CNTNAP4: variants seen among roughly 807,000 people sequenced by gnomAD.
The protein encoded by CNTNAP4 is contactin associated protein family member 4.
CNTNAP4 carries 98 observed loss-of-function variants against 148.4 expected under a neutral mutation model. The observed-to-expected ratio is 0.66, with a 90% CI of 0.56 to 0.78. The LOEUF (loss-of-function observed/expected upper bound fraction) is 0.78. Among genes scored for constraint, CNTNAP4 ranks in the 30% least tolerant of loss-of-function variants. CNTNAP4 has a pLI of 0.00. For missense variants in CNTNAP4, 1,935 were observed against 1,565.6 expected, an observed-to-expected ratio of 1.24 and a Z score of -3.98; for synonymous variants, 730 against 565.1, an observed-to-expected ratio of 1.29 and a Z score of -4.14.
intron 15 of CNTNAP4, among the ~76,000 whole-genome samples, chr16:76,509,697 A>G (rs1173460767): frequency 1.0e-5 from 1 of 96,114 alleles, no homozygotes; most frequent in African/African-American, 2.6e-5. Context: ...CCCCTTCTTT[A>G]TCTCCCCCTT....
chr16:76,476,794 A>C (rs767094103), intron 11 of CNTNAP4, among the ~76,000 whole-genome samples: 8 of 152,074 alleles, frequency 5.3e-5, no homozygotes, highest in Non-Finnish European at 1.2e-4. Flanking sequence ...CCACCTCCCA[A>C]TACCACCATA....
chr16:76,415,713 C>G (rs2078948783), intron 3 of CNTNAP4, among the ~76,000 whole-genome samples: 1 of 151,042 alleles, frequency 6.6e-6, no homozygotes, highest in Non-Finnish European at 1.5e-5. Flanking sequence ...GTAGACAATG[C>G]TCATCACACC....
intron 8 of CNTNAP4, among the ~76,000 whole-genome samples, chr16:76,453,206 A>G (rs571654875): frequency 6.6e-6 from 1 of 152,332 alleles, no homozygotes; most frequent in African/African-American, 2.4e-5. Flanking sequence ...CTATATCTAT[A>G]TCTCTGTATG....
chr16:76,434,468 G>A (rs975690325), intron 4 of CNTNAP4, among the ~76,000 whole-genome samples: 5 of 152,180 alleles, frequency 3.3e-5, no homozygotes, highest in Admixed American at 6.5e-5. Context: ...ACCACATCTA[G>A]TACAACAGCT....
intron 1 of CNTNAP4, among the ~76,000 whole-genome samples, chr16:76,288,287 A>G (rs1958970758): frequency 1.3e-5 from 2 of 152,116 alleles, no homozygotes; most frequent in South Asian, 4.1e-4. Context: ...CATGCAGAAC[A>G]GTGAGTCAAT....
chr16:76,540,752 T>C lies in CNTNAP4; in HGVS notation c.3404T>C (p.Phe1135Ser). The change falls in exon 21 of 24, where the codon TTC becomes TCC. Residue 1135 changes from phenylalanine to serine, a missense_variant. By Grantham distance (155) the Phe-to-Ser change is radical. Transcript: ENST00000611870. ...GTTCACCTGTCATCAGGCACAGAAT[T>C]CAGTGCAGTCAAATCTCTGGTATTG... is the stretch of plus-strand genomic sequence containing the variant. Reference protein sequence around the residue: ...RQVHLSSGTEFSAVKSLVLGR... With the variant: ...RQVHLSSGTESSAVKSLVLGR... The C allele has an allele frequency of 6.3e-7, 1 of 1,577,266 alleles. No individual in the cohort carries two copies. Among genetic ancestry groups the C allele is most frequent in the Non-Finnish European group, 8.6e-7 (1 of 1,159,542 alleles).
chr16:76,541,793 C>G (rs2084467422), intron 21 of CNTNAP4, among the ~76,000 whole-genome samples: 1 of 152,126 alleles, frequency 6.6e-6, no homozygotes, highest in Admixed American at 6.5e-5. Context: ...ATTATGTGTT[C>G]TTATTCTCCA....
chr16:76,525,650 AAAAT>A (rs1597063050), intron 17 of CNTNAP4, among the ~76,000 whole-genome samples: 1 of 145,310 alleles, frequency 6.9e-6, no homozygotes, highest in Admixed American at 6.9e-5. Flanking sequence ...TATAAACTAT[AAAAT>A]TATATATAGT....
At chr16:76,404,946 A>G (rs1216198220) in intron 3 of CNTNAP4, among the ~76,000 whole-genome samples, 1 of 152,184 alleles carries the variant, frequency 6.6e-6, no homozygotes, top group African/African-American at 2.4e-5. Flanking sequence ...AACTCTTTCT[A>G]CAATGTATGC....
Position 76,462,009 on chromosome 16 carries a change from A to C in CNTNAP4, c.1387A>C (p.Asn463His). The C allele has an allele frequency of 1.2e-6, 2 of 1,613,892 alleles. No homozygotes were observed. Among genetic ancestry groups the C allele is most frequent in the South Asian group, 1.1e-5 (1 of 91,074 alleles). The change falls in exon 9 of 24, where the codon AAT (asparagine) becomes CAT (histidine). Residue 463 changes from asparagine (N) to histidine (H), a missense_variant. Coordinates refer to ENST00000611870, the MANE Select transcript of CNTNAP4 (RefSeq NM_033401.5). ...WHSVSLSAKK[N>H]HLSVAVDGQM... ...TTCTGTCTCTTTATCTGCTAAAAAG[A>C]ATCACTTGAGTGTGGCGGTGGACGG...
chr16:76,545,556 C>T (rs1014292641), intron 21 of CNTNAP4, among the ~76,000 whole-genome samples: 5 of 149,812 alleles, frequency 3.3e-5, no homozygotes, highest in Admixed American at 1.3e-4. Context: ...GGCAGCCAAG[C>T]ATAATAACAC....
At chr16:76,535,493 C>G (rs2084174990) in intron 17 of CNTNAP4, 52 bp from the exon 18 acceptor site, 1 of 1,590,858 alleles carries the variant, frequency 6.3e-7, no homozygotes, top group Non-Finnish European at 8.6e-7. Flanking sequence ...GTCTTTAAAC[C>G]CTGAATAAAA....
chr16:76,310,665 C>G (rs1275052218), intron 1 of CNTNAP4, among the ~76,000 whole-genome samples: 1 of 152,128 alleles, frequency 6.6e-6, no homozygotes, highest in Non-Finnish European at 1.5e-5. Flanking sequence ...CTAGTCTGTT[C>G]TGTAATGGAT....
chr16:76,490,810 C>T (rs937249563), intron 13 of CNTNAP4, among the ~76,000 whole-genome samples: 5 of 152,060 alleles, frequency 3.3e-5, no homozygotes, highest in East Asian at 1.9e-4. Context: ...CCCTCAAACA[C>T]GTATTTTCTA....
intron 3 of CNTNAP4, among the ~76,000 whole-genome samples, chr16:76,372,952 G>T (rs1397816370): frequency 3.3e-5 from 5 of 152,186 alleles, no homozygotes. Context: ...GTTTCGAAGA[G>T]ATATTGATAA....
intron 22 of CNTNAP4, 126 bp from the exon 23 acceptor site, chr16:76,553,710 G>GA: frequency 1.5e-6 from 1 of 670,822 alleles, no homozygotes. Flanking sequence ...TGCTTAAATT[G>GA]AAAATAACAG....
chr16:76,553,722 G>T (rs541034063), intron 22 of CNTNAP4, 114 bp from the exon 23 acceptor site: 1 of 692,346 alleles, frequency 1.4e-6, no homozygotes, highest in Non-Finnish European at 2.5e-6. Context: ...AAATAACAGA[G>T]ATCCCACATT....
At chr16:76,553,777 A>G in intron 22 of CNTNAP4, 59 bp from the exon 23 acceptor site, 5 of 1,098,480 alleles carry the variant, frequency 4.6e-6, no homozygotes, top group Non-Finnish European at 6.8e-6. Context: ...TGATGTTTTC[A>G]AAATTTCTTC....
At position 76,475,959 on chromosome 16, in the gene CNTNAP4, A is replaced by C; in HGVS notation, c.1676A>C (p.Glu559Ala). Residue 559 changes from glutamate to alanine, a missense_variant, in exon 11 of 24, where the codon GAA (glutamate) becomes GCA (alanine). Glu to Ala is a moderately radical substitution (Grantham distance 107). Transcript: ENST00000611870. ...TTTAGGTGTTTGCCCAACTATTGTG[A>C]ACACGGTGGGGAGTGTTCCCAGTCC... ...ISDRCLPNYC[E>A]HGGECSQSWS... 2 of 1,613,794 alleles carry C rather than the reference A, an allele frequency of 1.2e-6. No homozygotes were observed. The highest frequency in any genetic ancestry group is 1.7e-6 in the Non-Finnish European group (2 of 1,179,718).
Sources: gnomAD v4.1 joint callset for allele counts (sites outside exome capture counted in the v4.1 genomes callset) on GRCh38, gnomAD v4.1.1 for gene constraint, MANE v1.5 for transcripts, NCBI Gene and HGNC (gene_info 2026-07-23, HGNC 2026-07-21) for gene names.